The following NPHP1 variants were observed in gnomAD, a reference collection of about 807,000 sequenced individuals.
NPHP1 encodes nephrocystin-1.
Under a neutral mutation model 90.4 loss-of-function variants are expected in NPHP1, and 70 were observed. The observed-to-expected ratio is 0.77, with a 90% CI of 0.64 to 0.95. The LOEUF (loss-of-function observed/expected upper bound fraction) is 0.95. NPHP1 is among the 40% of genes least tolerant of loss of function. The pLI is 0.00. For missense variants in NPHP1, 764 were observed against 795.9 expected (o/e 0.96, Z 0.48); for synonymous variants, 256 against 271.7 (o/e 0.94, Z 0.57).
intron 2 of NPHP1, among the ~76,000 whole-genome samples, chr2:110,194,508 ATAAT>A (rs1338124168): frequency 1.3e-5 from 2 of 152,136 alleles, no homozygotes; most frequent in African/African-American, 2.4e-5. Flanking sequence ...AATTGAGGCA[ATAAT>A]TAATAGCTTA....
intron 19 of NPHP1, chr2:110,124,942 G>GATCAGGACTGGTAAAGTATGGACT (rs1461041902): frequency 5.8e-6 from 2 of 342,048 alleles, no homozygotes; most frequent in African/African-American, 4.3e-5. Flanking sequence ...GAATACTTTA[G>GATCAGGACTGGTAAAGTATGGACT]ATCAGGACTG....
At chr2:110,138,159 C>T (rs1680353064) in intron 16 of NPHP1, among the ~76,000 whole-genome samples, 2 of 151,542 alleles carry the variant, frequency 1.3e-5, no homozygotes, top group South Asian at 4.2e-4. Context: ...GAACATCATA[C>T]ACCGGGGCCT....
intron 18 of NPHP1, chr2:110,125,889 C>T: frequency 1.2e-5 from 7 of 585,886 alleles, no homozygotes; most frequent in Non-Finnish European, 1.5e-5. Context: ...TGAAAAATGC[C>T]GTAGAAGCCC....
In NPHP1 at chr2:110,163,048, C is replaced by T. The variant is rs121907899; in HGVS notation, c.859G>A (p.Gly287Arg). Residue 287 changes from glycine to arginine, a missense_variant and splice_region_variant, in exon 9 of 20, where the codon GGG (glycine) becomes AGG (arginine). Coordinates refer to ENST00000445609, the MANE Select transcript of NPHP1 (RefSeq NM_001128178.3). ...PSTLSQLLEE[G>R]NQFRANYFLQ... ...GCAGTGGCTGATAGGCACGCATTAC[C>T]TTCCTCCAGAAGCTGTGAGAGCGTG... 301 of 1,610,430 alleles carry T rather than the reference C, an allele frequency of 1.9e-4. No homozygotes were observed. Among genetic ancestry groups the T allele is most frequent in the Non-Finnish European group, 2.4e-4 (288 of 1,176,816 alleles).
At chr2:110,167,428 C>T (rs572906414) in intron 6 of NPHP1, among the ~76,000 whole-genome samples, 49 of 152,164 alleles carry the variant, frequency 3.2e-4, no homozygotes, top group African/African-American at 1.1e-3. Flanking sequence ...TTAAACATGG[C>T]TAATGAAACC....
At chr2:110,198,796 C>T (rs1011168667) in intron 2 of NPHP1, among the ~76,000 whole-genome samples, 1 of 133,070 alleles carries the variant, frequency 7.5e-6, no homozygotes, top group African/African-American at 2.6e-5. Flanking sequence ...GCAGGAAGGA[C>T]CCCTCTCTAT....
intron 11 of NPHP1, among the ~76,000 whole-genome samples, chr2:110,159,271 G>C (rs74944459): frequency 0.043 from 6,515 of 151,948 alleles, 459 homozygotes; most frequent in African/African-American, 0.15. Flanking sequence ...ATATTCTGGG[G>C]TCATGTTTTT....
chr2:110,152,009 C>A (rs1681506036), intron 11 of NPHP1, among the ~76,000 whole-genome samples: 1 of 152,112 alleles, frequency 6.6e-6, no homozygotes. Context: ...CTTAGTCCAA[C>A]CATCTCACTA....
intron 19 of NPHP1, 82 bp downstream of exon 19, chr2:110,125,555 T>TA: frequency 7.2e-7 from 1 of 1,380,170 alleles, no homozygotes; most frequent in East Asian, 2.3e-5. Flanking sequence ...CTACTTTTGC[T>TA]AAAAAAGAGA....
intron 12 of NPHP1, 99 bp from the exon 13 acceptor site, chr2:110,148,125 A>G (rs1215158733): frequency 2.4e-6 from 2 of 817,300 alleles, no homozygotes; most frequent in East Asian, 2.6e-5. Context: ...TTCATGTTGA[A>G]TTGTAATCCC....
chr2:110,162,045 T>C (rs1254535668), intron 9 of NPHP1, among the ~76,000 whole-genome samples: 2 of 152,182 alleles, frequency 1.3e-5, no homozygotes, highest in Non-Finnish European at 2.9e-5. Context: ...TCGTTAGTTT[T>C]ACTTCTTAAC....
At chr2:110,129,385 C>CA in intron 17 of NPHP1, 126 bp from the exon 18 acceptor site, 1 of 776,362 alleles carries the variant, frequency 1.3e-6, no homozygotes, top group Non-Finnish European at 2.3e-6. Flanking sequence ...ACATTCTACA[C>CA]ACTTTGACTT....
chr2:110,191,432 G>A (rs185105446), intron 2 of NPHP1, among the ~76,000 whole-genome samples: 1 of 152,340 alleles, frequency 6.6e-6, no homozygotes, highest in Non-Finnish European at 1.5e-5. Flanking sequence ...ACAGCAGTCT[G>A]AGATCAAACT....
intron 2 of NPHP1, among the ~76,000 whole-genome samples, chr2:110,194,101 G>A (rs1684957266): frequency 1.3e-5 from 2 of 152,012 alleles, no homozygotes; most frequent in African/African-American, 2.4e-5. Context: ...AAAAGAACTG[G>A]AGAACCAAGA....
chr2:110,189,286 C>T (rs752474724), intron 2 of NPHP1, among the ~76,000 whole-genome samples: 24 of 152,080 alleles, frequency 1.6e-4, no homozygotes, highest in Admixed American at 5.2e-4. Context: ...TTAAAGGCGG[C>T]GTGTCCAGAG....
chr2:110,160,096 T>C (rs774720439), intron 11 of NPHP1, 31 bp downstream of exon 11: 3 of 1,603,848 alleles, frequency 1.9e-6, no homozygotes, highest in East Asian at 2.2e-5. Context: ...ATAATCCTAG[T>C]ATGAATTGAT....
chr2:110,201,349 T>C (rs934616408), intron 2 of NPHP1, 72 bp downstream of exon 2: 11 of 980,856 alleles, frequency 1.1e-5, no homozygotes, highest in Non-Finnish European at 1.8e-5. Context: ...GACCAATCTC[T>C]ATGCCTTAAA....
intron 18 of NPHP1, chr2:110,128,769 A>G (rs1679551869): frequency 4.8e-6 from 1 of 207,542 alleles, no homozygotes; most frequent in Non-Finnish European, 9.8e-6. Flanking sequence ...GAGATTTCAT[A>G]CGATTTAACA....
chr2:110,179,224 A>G (rs1683715827), intron 3 of NPHP1, among the ~76,000 whole-genome samples: 1 of 152,130 alleles, frequency 6.6e-6, no homozygotes, highest in Non-Finnish European at 1.5e-5. Flanking sequence ...AGACATTGAT[A>G]TCAGAGCTGC....
Sources: allele counts gnomAD v4.1 joint callset (sites outside exome capture counted in the v4.1 genomes callset), GRCh38; gene constraint gnomAD v4.1.1; transcripts MANE v1.5; gene names NCBI Gene and HGNC (gene_info 2026-07-23, HGNC 2026-07-21).